Variants in SASH1 observed in about 807,000 individuals in gnomAD.
SASH1 encodes SAM and SH3 domain-containing protein 1.
Under a neutral mutation model 125.2 loss-of-function variants are expected in SASH1, and 44 were observed. That is an observed-to-expected ratio of 0.35 (90% CI 0.28 to 0.45). The LOEUF (loss-of-function observed/expected upper bound fraction) is 0.45, where lower values mean the gene tolerates loss of function less well. Among genes scored for constraint, SASH1 ranks in the 20% least tolerant of loss-of-function variants. The probability of loss-of-function intolerance (pLI) is 1.00; values close to 1 mark genes in which losing one functional copy is unlikely to be tolerated. For missense variants in SASH1, 1,426 were observed against 1,614.5 expected, an observed-to-expected ratio of 0.88 and a Z score of 2.00; for synonymous variants, 639 against 649.1, an observed-to-expected ratio of 0.98 and a Z score of 0.24.
chr6:148,345,052 T>C (rs1395780034), intron 1 of SASH1, among the ~76,000 whole-genome samples: 1 of 152,200 alleles, frequency 6.6e-6, no homozygotes, highest in African/African-American at 2.4e-5. Flanking sequence ...CCGCGCCCGA[T>C]AGACTGTTTT....
chr6:148,535,021 C>A, intron 16 of SASH1, 120 bp downstream of exon 16: 1 of 1,166,934 alleles, frequency 8.6e-7, no homozygotes, highest in Non-Finnish European at 1.2e-6. Flanking sequence ...CTTTCTGTTA[C>A]AAGAGTATGA....
At chr6:148,466,978 C>A (rs1056780162) in intron 4 of SASH1, among the ~76,000 whole-genome samples, 1 of 151,698 alleles carries the variant, frequency 6.6e-6, no homozygotes, top group Non-Finnish European at 1.5e-5. Flanking sequence ...GATGCAGGTG[C>A]CTTCTTTCTG....
At chr6:148,251,143 C>T in the SASH1 span, among the ~76,000 whole-genome samples, 1 of 152,124 alleles carries the variant, frequency 6.6e-6, no homozygotes, top group Non-Finnish European at 1.5e-5. Context: ...CTTTTAGGAA[C>T]TCGTTATGTG....
At chr6:148,478,379 A>G (rs1325718085) in intron 7 of SASH1, among the ~76,000 whole-genome samples, 1 of 152,224 alleles carries the variant, frequency 6.6e-6, no homozygotes, top group Non-Finnish European at 1.5e-5. Flanking sequence ...TTACAACAAC[A>G]TGGATAGAAT....
At chr6:148,384,329 A>T (rs1468577853) in intron 1 of SASH1, among the ~76,000 whole-genome samples, 2 of 152,338 alleles carry the variant, frequency 1.3e-5, no homozygotes, top group East Asian at 1.9e-4. Flanking sequence ...AGTGAAACAG[A>T]TGAGGCAAGC....
chr6:148,253,604 G>A, the SASH1 span, among the ~76,000 whole-genome samples: 2 of 152,216 alleles, frequency 1.3e-5, no homozygotes, highest in Non-Finnish European at 2.9e-5. Context: ...CGGGTGCGGT[G>A]GCTGATGCCT....
At chr6:148,500,960 TTAGTC>T (rs1375490208) in intron 8 of SASH1, among the ~76,000 whole-genome samples, 2 of 152,192 alleles carry the variant, frequency 1.3e-5, no homozygotes, top group African/African-American at 4.8e-5. Flanking sequence ...CTGAAGGTAT[TTAGTC>T]TAGATTTCTT....
intron 8 of SASH1, among the ~76,000 whole-genome samples, chr6:148,507,909 G>A (rs1583273455): frequency 6.6e-6 from 1 of 152,188 alleles, no homozygotes; most frequent in African/African-American, 2.4e-5. Context: ...AAAGACAAAC[G>A]TGACTTGCAG....
chr6:148,538,478 C>G (rs1254700931), intron 16 of SASH1, among the ~76,000 whole-genome samples: 1 of 152,236 alleles, frequency 6.6e-6, no homozygotes, highest in Non-Finnish European at 1.5e-5. Context: ...ACAGTGAGGA[C>G]ACCGCTCTAG....
Position 148,534,913 on chromosome 6 carries a change from T to C in SASH1, c.2095+12T>C. ...ACAAGAGTATGACAGTAAGTCCCTG[T>C]ATGCACAGAGGTGTTCCCTGTGAGG... On this transcript the variant is annotated intron_variant, in intron 16 of 19. Transcript: ENST00000367467. The C allele has an allele frequency of 6.2e-7, 1 of 1,613,996 alleles. No individual in the cohort carries two copies. Among genetic ancestry groups the C allele is most frequent in the Non-Finnish European group, 8.5e-7 (1 of 1,179,910 alleles).
intron 7 of SASH1, among the ~76,000 whole-genome samples, chr6:148,484,377 C>A (rs996358056): frequency 2.6e-5 from 4 of 151,988 alleles, no homozygotes; most frequent in Non-Finnish European, 5.9e-5. Context: ...TTTTATAACT[C>A]CTGGAATTAA....
chr6:148,520,338 G>A (rs763934790), intron 10 of SASH1: 8 of 176,516 alleles, frequency 4.5e-5, no homozygotes, highest in Non-Finnish European at 7.4e-5. Context: ...CGCCACGGTC[G>A]ACCGCTGTAC....
At chr6:148,388,475 C>G (rs926099965) in intron 1 of SASH1, among the ~76,000 whole-genome samples, 1 of 152,232 alleles carries the variant, frequency 6.6e-6, no homozygotes, top group Non-Finnish European at 1.5e-5. Context: ...CAGACACATT[C>G]AAAGATCTTA....
intron 2 of SASH1, among the ~76,000 whole-genome samples, chr6:148,420,483 G>C (rs1263015665): frequency 6.6e-6 from 1 of 152,116 alleles, no homozygotes; most frequent in African/African-American, 2.4e-5. Context: ...CAGGCACTCT[G>C]CTGGGTCCTG....
At chr6:148,385,321 T>C (rs1256844733) in intron 1 of SASH1, among the ~76,000 whole-genome samples, 2 of 152,192 alleles carry the variant, frequency 1.3e-5, no homozygotes, top group African/African-American at 4.8e-5. Context: ...TGGGGGAGTT[T>C]TGAGTGATTG....
At chr6:148,203,521 T>G in the SASH1 span, among the ~76,000 whole-genome samples, 2 of 152,226 alleles carry the variant, frequency 1.3e-5, no homozygotes, top group Non-Finnish European at 1.5e-5. Context: ...ATATACAGAC[T>G]GAGTCATTTT....
intron 1 of SASH1, among the ~76,000 whole-genome samples, chr6:148,365,007 C>T (rs962532641): frequency 1.3e-5 from 2 of 151,986 alleles, no homozygotes; most frequent in African/African-American, 4.8e-5. Flanking sequence ...CCTGTAATCC[C>T]AGCTACTTGA....
At chr6:148,307,406 G>A (rs527450412) in intron 1 of SASH1, among the ~76,000 whole-genome samples, 69 of 152,142 alleles carry the variant, frequency 4.5e-4, no homozygotes, top group African/African-American at 1.5e-3. Flanking sequence ...ATGAGCCACC[G>A]CACCTGGCCA....
chr6:148,349,252 C>CTTTTTTTTTTTTTTTTTTT (rs11317386), intron 1 of SASH1, among the ~76,000 whole-genome samples: 74 of 47,050 alleles, frequency 1.6e-3, no homozygotes, highest in Non-Finnish European at 2.2e-3. Flanking sequence ...TTCTTTCTTT[C>CTTTTTTTTTTTTTTTTTTT]TTTTTTTTTT....
Sources: gnomAD v4.1 joint callset for allele counts (sites outside exome capture counted in the v4.1 genomes callset) on GRCh38, gnomAD v4.1.1 for gene constraint, MANE v1.5 for transcripts, NCBI Gene and HGNC (gene_info 2026-07-23, HGNC 2026-07-21) for gene names.